The following C3orf20 variants were observed in gnomAD, a reference collection of about 807,000 sequenced individuals.
C3orf20 encodes uncharacterized protein C3orf20.
A neutral mutation model predicts 88.3 loss-of-function variants in C3orf20; 76 were observed. The ratio of observed to expected loss-of-function variants is 0.86; its 90% CI spans 0.72 to 1.04. The LOEUF is 1.04. Among genes scored for constraint, C3orf20 ranks in the 50% least tolerant of loss-of-function variants. C3orf20 has a pLI of 0.00. For missense variants in C3orf20, 1,056 were observed against 1,123.3 expected (o/e 0.94, Z 0.86); for synonymous variants, 436 against 437.4 (o/e 1.00, Z 0.04).
At chr3:14,766,744 A>C (rs2035718732) in intron 15 of C3orf20, among the ~76,000 whole-genome samples, 1 of 152,210 alleles carries the variant, frequency 6.6e-6, no homozygotes, top group Non-Finnish European at 1.5e-5. Flanking sequence ...CAGGGAGGGC[A>C]GTTGGCCCTC....
chr3:14,700,436 C>G (rs2033205782), intron 5 of C3orf20, among the ~76,000 whole-genome samples: 1 of 152,146 alleles, frequency 6.6e-6, no homozygotes, highest in Non-Finnish European at 1.5e-5. Context: ...TAAACTTTAT[C>G]ATAGGTGTGC....
At chr3:14,737,316 G>A (rs906901397) in intron 12 of C3orf20, among the ~76,000 whole-genome samples, 15 of 150,254 alleles carry the variant, frequency 1.0e-4, no homozygotes, top group Non-Finnish European at 1.6e-4. Flanking sequence ...GGACTCCCAA[G>A]TACACCTTTT....
intron 7 of C3orf20, among the ~76,000 whole-genome samples, chr3:14,706,209 A>G (rs886956611): frequency 1.3e-5 from 2 of 151,976 alleles, no homozygotes; most frequent in African/African-American, 2.4e-5. Context: ...AAGAAGTGTT[A>G]TTGTTTCTCA....
intron 3 of C3orf20, 59 bp downstream of exon 3, chr3:14,683,256 A>G: frequency 6.6e-7 from 1 of 1,511,148 alleles, no homozygotes; most frequent in Non-Finnish European, 8.8e-7. Flanking sequence ...GGCGTCTCAG[A>G]GGCACATGCT....
At chr3:14,704,730 T>C (rs1290993191) in intron 7 of C3orf20, 112 bp downstream of exon 7, 1 of 1,279,776 alleles carries the variant, frequency 7.8e-7, no homozygotes, top group East Asian at 2.3e-5. Context: ...CAGAGAAGCC[T>C]GGTGATGGGT....
chr3:14,753,315 A>G (rs1377347002), intron 12 of C3orf20, among the ~76,000 whole-genome samples: 1 of 152,166 alleles, frequency 6.6e-6, no homozygotes, highest in Non-Finnish European at 1.5e-5. Context: ...AGGGAGGGGA[A>G]CATCACACAC....
At chr3:14,688,740 A>G (rs944476892) in intron 4 of C3orf20, among the ~76,000 whole-genome samples, 2 of 152,042 alleles carry the variant, frequency 1.3e-5, no homozygotes, top group South Asian at 2.1e-4. Flanking sequence ...CCATCTTCAT[A>G]TAAGAGCTAC....
intron 12 of C3orf20, among the ~76,000 whole-genome samples, chr3:14,742,651 T>C (rs186961643): frequency 2.0e-5 from 3 of 152,312 alleles, no homozygotes; most frequent in East Asian, 1.9e-4. Flanking sequence ...GTCAAATTGG[T>C]TGTATTAGTT....
intron 6 of C3orf20, 87 bp from the exon 7 acceptor site, chr3:14,704,249 TC>T: frequency 7.4e-7 from 1 of 1,356,196 alleles, no homozygotes; most frequent in Non-Finnish European, 1.0e-6. Context: ...GGGATAGGGG[TC>T]TTGGGCACTA....
intron 10 of C3orf20, among the ~76,000 whole-genome samples, chr3:14,723,511 A>G (rs1377708716): frequency 6.6e-6 from 1 of 152,212 alleles, no homozygotes; most frequent in Non-Finnish European, 1.5e-5. Context: ...CTCTCAATCT[A>G]ATGGAAGAGG....
chr3:14,709,049 C>T (rs1239408432), intron 7 of C3orf20, among the ~76,000 whole-genome samples: 1 of 152,180 alleles, frequency 6.6e-6, no homozygotes, highest in Non-Finnish European at 1.5e-5. Flanking sequence ...ATGCCATTTG[C>T]AACAGCATCA....
At chr3:14,739,063 T>C (rs1052533002) in intron 12 of C3orf20, among the ~76,000 whole-genome samples, 6 of 152,124 alleles carry the variant, frequency 3.9e-5, no homozygotes, top group Non-Finnish European at 5.9e-5. Flanking sequence ...AGTGCTGGAA[T>C]TACAGGCATG....
intron 10 of C3orf20, among the ~76,000 whole-genome samples, chr3:14,725,251 A>T (rs1272004735): frequency 6.6e-6 from 1 of 152,212 alleles, no homozygotes; most frequent in East Asian, 1.9e-4. Flanking sequence ...CTCATCTTGC[A>T]TTCTTGGACC....
chr3:14,675,529 G>T (rs143867080), intron 1 of C3orf20, among the ~76,000 whole-genome samples: 1 of 152,036 alleles, frequency 6.6e-6, no homozygotes, highest in Admixed American at 6.6e-5. Context: ...CTGGCCTATC[G>T]ATGTTCTGTT....
intron 12 of C3orf20, among the ~76,000 whole-genome samples, chr3:14,752,816 A>T (rs2035257403): frequency 6.6e-6 from 1 of 152,254 alleles, no homozygotes; most frequent in Non-Finnish European, 1.5e-5. Context: ...TAGAATGGTG[A>T]TCATTAAAAA....
intron 4 of C3orf20, among the ~76,000 whole-genome samples, chr3:14,688,822 A>G (rs2124902254): frequency 6.6e-6 from 1 of 151,852 alleles, no homozygotes; most frequent in South Asian, 2.1e-4. Context: ...GAGTATTGCA[A>G]TTTTTCTGTT....
At chr3:14,720,814 T>C (rs2034131165) in intron 9 of C3orf20, among the ~76,000 whole-genome samples, 1 of 152,268 alleles carries the variant, frequency 6.6e-6, no homozygotes, top group South Asian at 2.1e-4. Context: ...TAGGCCTTAA[T>C]GGCTTACAAA....
chr3:14,716,048 C>T (rs2033929581), intron 9 of C3orf20, among the ~76,000 whole-genome samples: 1 of 152,236 alleles, frequency 6.6e-6, no homozygotes, highest in African/African-American at 2.4e-5. Flanking sequence ...ATTGACACTA[C>T]TGACATTTTG....
At chr3:14,736,296 C>CT (rs35624221) in intron 12 of C3orf20, among the ~76,000 whole-genome samples, 9,778 of 147,196 alleles carry the variant, frequency 0.066, 647 homozygotes, top group African/African-American at 0.16. Flanking sequence ...TTTTATTTCA[C>CT]TTTTTTTTTT....
Sources: allele counts gnomAD v4.1 joint callset (sites outside exome capture counted in the v4.1 genomes callset), GRCh38; gene constraint gnomAD v4.1.1; transcripts MANE v1.5; gene names NCBI Gene and HGNC (gene_info 2026-07-23, HGNC 2026-07-21).